The following AFG2A variants were observed in gnomAD, a reference collection of about 807,000 sequenced individuals.
The protein encoded by AFG2A is AAA ATPase AFG2A.
At chr4:123,139,558 T>C in the AFG2A span, among the ~76,000 whole-genome samples, 1 of 152,100 alleles carries the variant, frequency 6.6e-6, no homozygotes. Context: ...TTTACAAATG[T>C]AGTAATAAAG....
chr4:123,162,781 T>G, the AFG2A span, among the ~76,000 whole-genome samples: 35 of 152,194 alleles, frequency 2.3e-4, no homozygotes, highest in Non-Finnish European at 3.4e-4. Flanking sequence ...AAACCAGCTC[T>G]GCTACTTACT....
chr4:122,939,071 C>CTCTCTTTTTTTTTTTTTTTTTTTTTT, the AFG2A span, among the ~76,000 whole-genome samples: 20 of 76,210 alleles, frequency 2.6e-4, 10 homozygotes, highest in Non-Finnish European at 2.9e-4. Flanking sequence ...GGGATATGTT[C>CTCTCTTTTTTTTTTTTTTTTTTTTTT]TTTCTTTTTT....
At chr4:123,108,309 A>G in the AFG2A span, among the ~76,000 whole-genome samples, 1 of 152,172 alleles carries the variant, frequency 6.6e-6, no homozygotes, top group East Asian at 1.9e-4. Flanking sequence ...ATTCAGCAAC[A>G]AAAATCAGTT....
chr4:123,122,823 G>T, the AFG2A span, among the ~76,000 whole-genome samples: 2 of 141,920 alleles, frequency 1.4e-5, no homozygotes, highest in Non-Finnish European at 3.1e-5. Context: ...GATAGTATTT[G>T]GAAATCCACA....
chr4:123,117,130 T>C, the AFG2A span, among the ~76,000 whole-genome samples: 1 of 152,000 alleles, frequency 6.6e-6, no homozygotes, highest in Non-Finnish European at 1.5e-5. Flanking sequence ...ATTAGTTAAT[T>C]TGTATTTGAT....
At chr4:123,077,992 A>G in the AFG2A span, among the ~76,000 whole-genome samples, 1,738 of 152,342 alleles carry the variant, frequency 0.011, 45 homozygotes, top group African/African-American at 0.039. Context: ...AGAGAAAATC[A>G]TATCTTACAC....
At chr4:123,090,496 G>T in the AFG2A span, 1 of 1,456,650 alleles carries the variant, frequency 6.9e-7, no homozygotes, top group Non-Finnish European at 9.3e-7. Context: ...TCTTGTTATA[G>T]ACTATAGAAC....
the AFG2A span, among the ~76,000 whole-genome samples, chr4:122,959,857 A>G: frequency 3.9e-5 from 6 of 152,276 alleles, no homozygotes; most frequent in African/African-American, 1.4e-4. Context: ...TATTTTCCAT[A>G]TCTTTTAACT....
At chr4:123,003,817 A>G in the AFG2A span, among the ~76,000 whole-genome samples, 1 of 152,070 alleles carries the variant, frequency 6.6e-6, no homozygotes, top group Non-Finnish European at 1.5e-5. Context: ...CGTGCTGGGA[A>G]AACCACTGCT....
At chr4:123,164,419 A>G in the AFG2A span, among the ~76,000 whole-genome samples, 1 of 152,120 alleles carries the variant, frequency 6.6e-6, no homozygotes, top group Non-Finnish European at 1.5e-5. Context: ...GCTGGAGTGC[A>G]GTGACACGAT....
chr4:122,994,538 G>A, the AFG2A span, among the ~76,000 whole-genome samples: 6 of 151,960 alleles, frequency 3.9e-5, no homozygotes, highest in African/African-American at 2.4e-5. Context: ...TGCTTTCTCT[G>A]TTTCATTTTA....
chr4:123,095,933 A>T, the AFG2A span, among the ~76,000 whole-genome samples: 4 of 152,132 alleles, frequency 2.6e-5, no homozygotes, highest in Non-Finnish European at 5.9e-5. Flanking sequence ...TATGTTACCC[A>T]TGTGTTGTGC....
the AFG2A span, among the ~76,000 whole-genome samples, chr4:123,100,657 A>G: frequency 4.0e-5 from 6 of 151,858 alleles, no homozygotes; most frequent in Non-Finnish European, 5.9e-5. Context: ...GGATTTTGTT[A>G]GCTTTGTTGT....
chr4:123,289,065 T>C, the AFG2A span, among the ~76,000 whole-genome samples: 4 of 152,338 alleles, frequency 2.6e-5, no homozygotes, highest in East Asian at 7.7e-4. Context: ...TTTGGTTACA[T>C]GGATAAATTG....
the AFG2A span, among the ~76,000 whole-genome samples, chr4:123,166,239 T>C: frequency 6.6e-6 from 1 of 152,106 alleles, no homozygotes; most frequent in Admixed American, 6.5e-5. Flanking sequence ...GTGGGCACAA[T>C]CTAATCAGCT....
chr4:123,007,446 CTTTG>C, the AFG2A span, among the ~76,000 whole-genome samples: 1 of 151,266 alleles, frequency 6.6e-6, no homozygotes, highest in Admixed American at 6.6e-5. Flanking sequence ...AGGGTTTTCT[CTTTG>C]TTTGAATCCC....
the AFG2A span, among the ~76,000 whole-genome samples, chr4:123,188,590 A>T: frequency 6.6e-6 from 1 of 152,170 alleles, no homozygotes; most frequent in African/African-American, 2.4e-5. Flanking sequence ...TTATTGCTTC[A>T]AATTTATTTC....
At chr4:122,975,834 C>G in the AFG2A span, among the ~76,000 whole-genome samples, 18 of 152,040 alleles carry the variant, frequency 1.2e-4, no homozygotes, top group Admixed American at 1.2e-3. Context: ...GAAGAACCAT[C>G]TTTCAGCATT....
chr4:123,077,302 C>T, the AFG2A span, among the ~76,000 whole-genome samples: 1 of 152,100 alleles, frequency 6.6e-6, no homozygotes, highest in Non-Finnish European at 1.5e-5. Flanking sequence ...CTGCCTCGGC[C>T]TCCCAAAGTG....
Sources: allele counts gnomAD v4.1 joint callset (sites outside exome capture counted in the v4.1 genomes callset), GRCh38; gene constraint gnomAD v4.1.1; transcripts MANE v1.5; gene names NCBI Gene and HGNC (gene_info 2026-07-23, HGNC 2026-07-21).